The following FAM13B variants were observed in gnomAD, a reference collection of about 807,000 sequenced individuals.
FAM13B encodes the protein protein FAM13B.
Under a neutral mutation model 117.3 loss-of-function variants are expected in FAM13B, and 60 were observed. The ratio of observed to expected loss-of-function variants is 0.51; its 90% CI spans 0.42 to 0.63. The LOEUF is 0.63. Ranked by LOEUF, FAM13B falls within the 30% of genes least tolerant of loss-of-function variation. The pLI is 0.00. For synonymous variants in FAM13B, 332 were observed against 356.1 expected, an observed-to-expected ratio of 0.93 and a Z score of 0.76; for missense variants, 972 against 1,091.9, an observed-to-expected ratio of 0.89 and a Z score of 1.55.
intron 12 of FAM13B, among the ~76,000 whole-genome samples, 197 bp downstream of exon 12, chr5:137,959,969 A>G (rs1199817899): frequency 6.6e-6 from 1 of 152,214 alleles, no homozygotes; most frequent in Non-Finnish European, 1.5e-5. Context: ...TTTGGATCCC[A>G]AATTCAGGAA....
intron 10 of FAM13B, among the ~76,000 whole-genome samples, chr5:137,966,484 T>G (rs201716718): frequency 0.042 from 2,114 of 49,744 alleles, 30 homozygotes; most frequent in East Asian, 0.068. Flanking sequence ...TATATATATA[T>G]ATATAGAGAG....
At chr5:138,013,515 A>AAC (rs1554080132) in intron 4 of FAM13B, among the ~76,000 whole-genome samples, 6 of 151,666 alleles carry the variant, frequency 4.0e-5, no homozygotes, top group Non-Finnish European at 4.4e-5. Flanking sequence ...AAAAAAAAAA[A>AAC]AATTTTAAGT....
In FAM13B at chr5:137,966,488, T is replaced by TATATAG. The variant is rs1461425784; in HGVS notation, c.1180-4020_1180-4019insCTATAT. Among the ~76,000 whole-genome samples the TATATAG allele has an allele frequency of 4.1e-3, 121 of 29,458 alleles. 1 individual carries two copies. Among genetic ancestry groups the TATATAG allele is most frequent in the South Asian group, 7.5e-3 (4 of 532 alleles). 19.3% of individuals were successfully genotyped at this position (29,458 alleles called of 152,430 possible). A position where few individuals can be genotyped will look rare whatever the true frequency, so the allele number is the denominator to read the frequency against. On this transcript the variant is annotated intron_variant, in intron 10 of 23. Coordinates refer to ENST00000689681, the MANE Select transcript of FAM13B (RefSeq NM_001385994.1). ...ATATATATATATATATATATATATA[T>TATATAG]AGAGAGAGAGAGAGAGAGAGAGAGA... is the stretch of plus-strand genomic sequence containing the variant.
At chr5:137,947,832 A>G (rs545748192) in intron 18 of FAM13B, among the ~76,000 whole-genome samples, 167 of 152,120 alleles carry the variant, frequency 1.1e-3, no homozygotes, top group African/African-American at 3.9e-3. Context: ...TGATCCACCC[A>G]CCTCGGCCTC....
chr5:138,002,168 T>C (rs1781428486), intron 7 of FAM13B, among the ~76,000 whole-genome samples: 1 of 152,206 alleles, frequency 6.6e-6, no homozygotes. Context: ...CTCAGCAAAG[T>C]ACTTTTATAA....
At chr5:137,996,962 C>T (rs1780023569) in intron 7 of FAM13B, among the ~76,000 whole-genome samples, 1 of 152,150 alleles carries the variant, frequency 6.6e-6, no homozygotes, top group African/African-American at 2.4e-5. Flanking sequence ...AACTTTATAA[C>T]ACGAAGTAAT....
At chr5:138,030,541 C>G (rs2151072946) in intron 1 of FAM13B, among the ~76,000 whole-genome samples, 1 of 151,822 alleles carries the variant, frequency 6.6e-6, no homozygotes, top group Non-Finnish European at 1.5e-5. Context: ...GCCTGGCTTA[C>G]CACAAGTTTT....
At chr5:137,947,081 G>T (rs1581052460) in intron 18 of FAM13B, among the ~76,000 whole-genome samples, 1 of 152,054 alleles carries the variant, frequency 6.6e-6, no homozygotes, top group Non-Finnish European at 1.5e-5. Context: ...GGTAAGTCTC[G>T]CATACTCTAC....
chr5:138,015,804 A>T (rs1365007374), intron 4 of FAM13B, among the ~76,000 whole-genome samples: 2 of 152,248 alleles, frequency 1.3e-5, no homozygotes, highest in Admixed American at 6.5e-5. Flanking sequence ...TGAATGAATG[A>T]TCAGATGATA....
chr5:137,970,000 T>A (rs1048622503), intron 10 of FAM13B, among the ~76,000 whole-genome samples: 1 of 152,136 alleles, frequency 6.6e-6, no homozygotes, highest in African/African-American at 2.4e-5. Flanking sequence ...TACCTGCAAG[T>A]GACGGGGAGA....
upstream of FAM13B, chr5:138,033,864 C>T (rs959014873): frequency 3.9e-5 from 6 of 152,212 alleles, no homozygotes; most frequent in African/African-American, 1.4e-4. Context: ...GCCGGTAGAT[C>T]AACACCTGCA....
chr5:138,030,723 A>AC (rs1280399259), intron 1 of FAM13B, among the ~76,000 whole-genome samples: 1 of 96,930 alleles, frequency 1.0e-5, no homozygotes, highest in Non-Finnish European at 2.1e-5. Flanking sequence ...CCCCCCCCCC[A>AC]AAAAAAAAAA....
chr5:137,954,109 A>C, intron 15 of FAM13B, 57 bp downstream of exon 15: 1 of 1,247,474 alleles, frequency 8.0e-7, no homozygotes, highest in Non-Finnish European at 1.1e-6. Flanking sequence ...TAAATCTCTC[A>C]AAAGACTTGG....
intron 1 of FAM13B, among the ~76,000 whole-genome samples, chr5:138,044,898 G>A (rs1043566026): frequency 2.6e-5 from 4 of 152,272 alleles, no homozygotes; most frequent in Admixed American, 1.3e-4. Flanking sequence ...AACCACATTA[G>A]TAATCAGGGA....
At chr5:137,951,080 T>A (rs951316039) in intron 17 of FAM13B, among the ~76,000 whole-genome samples, 16 of 151,880 alleles carry the variant, frequency 1.1e-4, no homozygotes, top group African/African-American at 3.4e-4. Context: ...CATGGTGGCA[T>A]GTGCCTGTAG....
chr5:137,983,201 A>AC (rs1776294323), intron 10 of FAM13B, among the ~76,000 whole-genome samples: 2 of 74,238 alleles, frequency 2.7e-5, no homozygotes, highest in Non-Finnish European at 5.9e-5. Flanking sequence ...AAAAAAAAAA[A>AC]AAAAAAAAAA....
intron 4 of FAM13B, among the ~76,000 whole-genome samples, chr5:138,012,891 G>A (rs1784393470): frequency 6.6e-6 from 1 of 151,672 alleles, no homozygotes; most frequent in South Asian, 2.1e-4. Context: ...TAGGACTCCA[G>A]TACTATGTTG....
At chr5:137,983,514 G>C (rs115998289) in intron 10 of FAM13B, among the ~76,000 whole-genome samples, 45 of 152,098 alleles carry the variant, frequency 3.0e-4, no homozygotes, top group Admixed American at 8.5e-4. Flanking sequence ...GGGGGGAGTC[G>C]AGAGAGGGTT....
intron 7 of FAM13B, among the ~76,000 whole-genome samples, chr5:137,991,023 TACC>T (rs1778483819): frequency 6.6e-6 from 1 of 152,158 alleles, no homozygotes; most frequent in Admixed American, 6.6e-5. Flanking sequence ...TTATCAAATC[TACC>T]ACAATTTATC....
Sources: gnomAD v4.1 joint callset for allele counts (sites outside exome capture counted in the v4.1 genomes callset) on GRCh38, gnomAD v4.1.1 for gene constraint, MANE v1.5 for transcripts, NCBI Gene and HGNC (gene_info 2026-07-23, HGNC 2026-07-21) for gene names.